The following PIWIL1 variants were observed in gnomAD, a reference collection of about 807,000 sequenced individuals.
PIWIL1 encodes piwi like RNA-mediated gene silencing 1, also known as piwi-like protein 1.
In PIWIL1, 73 loss-of-function variants were observed where a neutral mutation model predicts 114.4. The observed-to-expected ratio is 0.64, with a 90% CI of 0.53 to 0.78. PIWIL1 has a LOEUF of 0.78. PIWIL1 is among the 30% of genes least tolerant of loss of function. PIWIL1 has a pLI of 0.00. For missense variants in PIWIL1, 723 were observed against 1,063.1 expected (o/e 0.68, Z 4.45); for synonymous variants, 375 against 369.0 (o/e 1.02, Z -0.19).
chr12:130,407,797 C>A, the PIWIL1 span: 1 of 1,613,930 alleles, frequency 6.2e-7, no homozygotes, highest in Non-Finnish European at 8.5e-7. Flanking sequence ...CGCGTCGATA[C>A]CGAATGACGC....
chr12:130,381,481 G>A, the PIWIL1 span, among the ~76,000 whole-genome samples: 6 of 152,234 alleles, frequency 3.9e-5, no homozygotes, highest in African/African-American at 7.2e-5. Flanking sequence ...AGATTCCTCC[G>A]TGTCTTTGTG....
At chr12:130,411,461 C>T in the PIWIL1 span, among the ~76,000 whole-genome samples, 1,052 of 152,280 alleles carry the variant, frequency 6.9e-3, 16 homozygotes, top group African/African-American at 0.024. Context: ...AGCCTTTCAC[C>T]ATTAAGGATG....
Position 130,347,031 on chromosome 12 carries a change from T to G in PIWIL1, c.622T>G (p.Cys208Gly). 1 of 1,613,326 alleles carries G rather than the reference T, an allele frequency of 6.2e-7. No individual in the cohort carries two copies. Among genetic ancestry groups the G allele is most frequent in the Non-Finnish European group, 8.5e-7 (1 of 1,179,506 alleles). ...TGAACTTCCACCTACATCACCAACTTGTTTGCAGTTCTATAATATTATTTT... is the reference window on the plus strand; with the variant it reads ...TGAACTTCCACCTACATCACCAACTGGTTTGCAGTTCTATAATATTATTTT... ...TNELPPTSPT[C>G]LQFYNIIFRR... The change falls in exon 6 of 21, where the codon TGT becomes GGT. Residue 208 changes from cysteine (C) to glycine (G), a missense_variant. Physicochemically the swap from Cys to Gly is radical, Grantham distance 159 (BLOSUM62 -3). This residue lies in a region of PIWIL1 where 190 missense variants were observed against 294.4 expected (regional missense o/e 0.65). Transcript: ENST00000245255.
chr12:130,419,328 G>A, the PIWIL1 span, among the ~76,000 whole-genome samples: 1 of 152,204 alleles, frequency 6.6e-6, no homozygotes, highest in Non-Finnish European at 1.5e-5. The surrounding 1 kb of genome is among the most constrained non-coding windows in gnomAD (Gnocchi z 4.3). Flanking sequence ...GAGGAAGGGT[G>A]TGCATATCGT....
At chr12:130,423,446 G>A in the PIWIL1 span, among the ~76,000 whole-genome samples, 2 of 152,162 alleles carry the variant, frequency 1.3e-5, no homozygotes, top group African/African-American at 2.4e-5. Context: ...TGTTTTCAAT[G>A]AAAAGGTCAG....
the PIWIL1 span, among the ~76,000 whole-genome samples, chr12:130,389,115 G>A: frequency 6.6e-6 from 1 of 152,086 alleles, no homozygotes; most frequent in African/African-American, 2.4e-5. Flanking sequence ...GTTAGTTTAA[G>A]ATTTTCTCAG....
the PIWIL1 span, chr12:130,422,338 G>A: frequency 1.6e-6 from 1 of 613,780 alleles, no homozygotes; most frequent in Non-Finnish European, 2.9e-6. This position sits in a 1 kb window ranked among gnomAD's most constrained non-coding sequence, Gnocchi z 5.2. Context: ...ATGAATAACA[G>A]TGTTCTTTGC....
chr12:130,397,942 A>G, the PIWIL1 span: 1 of 155,902 alleles, frequency 6.4e-6, no homozygotes, highest in Non-Finnish European at 1.4e-5. Context: ...ATTTTGTTGT[A>G]TTTGAAACTA....
the PIWIL1 span, chr12:130,407,908 C>T: frequency 1.5e-6 from 2 of 1,299,078 alleles, no homozygotes; most frequent in Non-Finnish European, 2.2e-6. Flanking sequence ...TTCCGGGTCA[C>T]ACATGGCCAA....
At chr12:130,339,900 A>G (rs900592909) in intron 1 of PIWIL1, among the ~76,000 whole-genome samples, 2 of 152,206 alleles carry the variant, frequency 1.3e-5, no homozygotes, top group South Asian at 4.1e-4. Flanking sequence ...TGCTTTAGGA[A>G]TATTTCCTGC....
chr12:130,424,458 A>T, the PIWIL1 span: 6 of 1,231,978 alleles, frequency 4.9e-6, no homozygotes, highest in African/African-American at 9.3e-5. This position sits in a 1 kb window ranked among gnomAD's most constrained non-coding sequence, Gnocchi z 9.8. Context: ...GCACGCGGCC[A>T]CGGTGTTTCC....
chr12:130,343,034 A>T lies in PIWIL1; in HGVS notation c.123A>T (p.Pro41=). The change falls in exon 3 of 21, where the codon CCA becomes CCT. Residue 41 remains proline, a synonymous_variant. Coordinates refer to ENST00000245255, the MANE Select transcript of PIWIL1 (RefSeq NM_004764.5). ...GYIQPRPQPP[P]AEGELFGRGR... ...TTCAGCCTAGGCCTCAGCCGCCACC[A>T]GCAGAGGGGGAATTATTTGGCCGTG... 1 of 1,614,134 alleles carries T rather than the reference A, an allele frequency of 6.2e-7. No homozygotes were observed. The highest frequency in any genetic ancestry group is 8.5e-7 in the Non-Finnish European group (1 of 1,179,966).
the PIWIL1 span, among the ~76,000 whole-genome samples, chr12:130,401,754 T>C: frequency 6.6e-6 from 1 of 152,142 alleles, no homozygotes; most frequent in African/African-American, 2.4e-5. Flanking sequence ...TCAAAAGTTA[T>C]AACCAGTCAA....
chr12:130,374,588 C>A (rs2073852592), downstream of PIWIL1, among the ~76,000 whole-genome samples: 1 of 152,148 alleles, frequency 6.6e-6, no homozygotes, highest in Non-Finnish European at 1.5e-5. Context: ...TTAAGCTGCC[C>A]TTCAAGCACC....
the PIWIL1 span, among the ~76,000 whole-genome samples, chr12:130,395,916 C>T: frequency 4.5e-4 from 69 of 151,782 alleles, no homozygotes; most frequent in African/African-American, 1.6e-3. Context: ...TGACTCCGTG[C>T]GAATGACCTT....
At chr12:130,342,225 A>G (rs986079269) in intron 1 of PIWIL1, 9 of 292,856 alleles carry the variant, frequency 3.1e-5, no homozygotes, top group Admixed American at 4.6e-5. Flanking sequence ...GTGTGTGTAC[A>G]TGTGTATCTC....
the PIWIL1 span, chr12:130,407,981 G>A: frequency 2.8e-5 from 19 of 690,280 alleles, no homozygotes; most frequent in Non-Finnish European, 4.4e-5. Flanking sequence ...ATCAGCAAAC[G>A]TCTCTACTTT....
chr12:130,342,809 T>C (rs1044837476), intron 2 of PIWIL1, 140 bp downstream of exon 2: 5 of 754,274 alleles, frequency 6.6e-6, no homozygotes, highest in Admixed American at 2.4e-5. Context: ...CCTCAGGATA[T>C]TAGAAGCTGA....
At chr12:130,340,471 G>T in intron 1 of PIWIL1, among the ~76,000 whole-genome samples, 1 of 151,902 alleles carries the variant, frequency 6.6e-6, no homozygotes, top group Non-Finnish European at 1.5e-5. Flanking sequence ...TTGGCACGCC[G>T]ACTTCACAGT....
Sources: gnomAD v4.1 joint callset for allele counts (sites outside exome capture counted in the v4.1 genomes callset) on GRCh38, gnomAD v4.1.1 for gene constraint, gnomAD v4.1.1 regional missense constraint, Gnocchi (gnomAD v3.1) non-coding constraint, MANE v1.5 for transcripts, NCBI Gene and HGNC (gene_info 2026-07-23, HGNC 2026-07-21) for gene names.